Variants in TECRL observed in about 807,000 individuals in gnomAD.
TECRL encodes the protein trans-2,3-enoyl-CoA reductase-like.
A neutral mutation model predicts 52.8 loss-of-function variants in TECRL; 63 were observed. The observed-to-expected ratio is 1.19, with a 90% CI of 0.97 to 1.47. TECRL has a LOEUF of 1.47. Ranked by LOEUF, TECRL falls within the 40% of genes most tolerant of loss-of-function variation. The pLI is 0.00. For missense variants in TECRL, 482 were observed against 429.6 expected, an observed-to-expected ratio of 1.12 and a Z score of -1.08; for synonymous variants, 164 against 141.9, an observed-to-expected ratio of 1.16 and a Z score of -1.10.
chr4:64,314,346 T>C lies in TECRL; in HGVS notation c.551+302A>G, dbSNP rs140953353. 1.8e-4 allele frequency among the ~76,000 whole-genome samples: 28 copies of C among 152,278 alleles called. No individual in the cohort carries two copies. In the East Asian group the frequency reaches 5.2e-3, roughly 28 times the overall value. ...GTCTTTCAATTTTGTAATTGTAAACTTCTTTTGACTACGTTTCTGAATTTC... is the reference window on the plus strand; with the variant it reads ...GTCTTTCAATTTTGTAATTGTAAACCTCTTTTGACTACGTTTCTGAATTTC... On this transcript the variant is annotated intron_variant, in intron 5 of 11. Coordinates refer to ENST00000381210, the MANE Select transcript of TECRL (RefSeq NM_001010874.5).
intron 9 of TECRL, among the ~76,000 whole-genome samples, chr4:64,283,297 G>C (rs1201762714): frequency 1.3e-5 from 2 of 151,850 alleles, no homozygotes; most frequent in African/African-American, 2.4e-5. Context: ...TCTCCATCCT[G>C]GCATTTGCAA....
At chr4:64,337,263 G>C (rs1719168403) in intron 2 of TECRL, among the ~76,000 whole-genome samples, 2 of 152,080 alleles carry the variant, frequency 1.3e-5, no homozygotes, top group African/African-American at 4.8e-5. Context: ...ATTAGGTATT[G>C]ATGGGACGTA....
intron 2 of TECRL, among the ~76,000 whole-genome samples, chr4:64,333,812 A>G (rs1212817519): frequency 1.6e-5 from 2 of 126,132 alleles, no homozygotes; most frequent in Admixed American, 1.5e-4. Flanking sequence ...TGAGGTCAGG[A>G]GATCGAGACC....
intron 2 of TECRL, among the ~76,000 whole-genome samples, chr4:64,356,048 A>G (rs1228463727): frequency 6.6e-6 from 1 of 152,112 alleles, no homozygotes; most frequent in Non-Finnish European, 1.5e-5. Flanking sequence ...GTATGGAATC[A>G]AGGTTTAAGG....
chr4:64,291,224 C>T (rs1296195798), intron 8 of TECRL, among the ~76,000 whole-genome samples: 4 of 151,958 alleles, frequency 2.6e-5, no homozygotes, highest in African/African-American at 9.7e-5. Context: ...CCCTACACAG[C>T]CTATTTGCTC....
intron 4 of TECRL, among the ~76,000 whole-genome samples, chr4:64,319,362 C>A (rs1045741012): frequency 2.0e-5 from 3 of 151,720 alleles, no homozygotes; most frequent in African/African-American, 7.2e-5. Flanking sequence ...TAAGAAAATG[C>A]AGGAGAGAAC....
intron 2 of TECRL, among the ~76,000 whole-genome samples, chr4:64,362,322 C>T (rs544735099): frequency 6.6e-5 from 10 of 152,030 alleles, no homozygotes; most frequent in East Asian, 3.9e-4. Flanking sequence ...CTAGAAAGGT[C>T]CACATGCAAA....
intron 2 of TECRL, among the ~76,000 whole-genome samples, chr4:64,339,674 T>A (rs1006268867): frequency 6.6e-6 from 1 of 152,040 alleles, no homozygotes; most frequent in Admixed American, 6.6e-5. Flanking sequence ...CTTGATCTAC[T>A]CAAATCTGAA....
intron 2 of TECRL, among the ~76,000 whole-genome samples, chr4:64,335,672 T>A (rs1175421481): frequency 6.6e-6 from 1 of 152,024 alleles, no homozygotes; most frequent in Non-Finnish European, 1.5e-5. Flanking sequence ...CTCCAAAGAG[T>A]CCTTCATTGT....
intron 2 of TECRL, among the ~76,000 whole-genome samples, chr4:64,337,791 A>T (rs1004067484): frequency 6.6e-6 from 1 of 152,308 alleles, no homozygotes; most frequent in Middle Eastern, 3.4e-3. Context: ...GAGGGCACAA[A>T]CAAATAGAAG....
rs532630576 is a variant in TECRL at position 64,339,828 on chromosome 4, C to T, written c.287-11272G>A. ...CACTAATAATTCTCTCTAAAACATT[C>T]CTTGATTTTCCAAGAATTATTCTAC... On this transcript the variant is annotated intron_variant, in intron 2 of 11. Coordinates refer to ENST00000381210, the MANE Select transcript of TECRL (RefSeq NM_001010874.5). Among the ~76,000 whole-genome samples the T allele has an allele frequency of 8.2e-4, 125 of 152,264 alleles. 1 individual carries two copies. The Middle Eastern group carries it at 0.01, about 12-fold the overall frequency.
chr4:64,349,322 G>A (rs563064406), intron 2 of TECRL, among the ~76,000 whole-genome samples: 4 of 151,732 alleles, frequency 2.6e-5, no homozygotes, highest in Non-Finnish European at 4.4e-5. Flanking sequence ...TAGTAGAGAT[G>A]GGGTTTCTCC....
chr4:64,297,396 A>C (rs1723749020), intron 8 of TECRL, among the ~76,000 whole-genome samples: 2 of 151,254 alleles, frequency 1.3e-5, no homozygotes, highest in African/African-American at 4.8e-5. Flanking sequence ...AAGAGTACAT[A>C]GGTCAAAAAT....
intron 2 of TECRL, among the ~76,000 whole-genome samples, chr4:64,337,837 C>T (rs1013865588): frequency 2.6e-5 from 4 of 152,064 alleles, no homozygotes; most frequent in African/African-American, 9.7e-5. Context: ...GAATCAATAT[C>T]GTGAAATGGC....
chr4:64,328,496 G>A lies in TECRL; in HGVS notation c.331+16C>T. ...TTATAAATTAAATAAACACATCAGT[G>A]AAAAATGCTTCTTACCACATTCTAG... On this transcript the variant is annotated intron_variant, in intron 3 of 11. Coordinates refer to ENST00000381210, the MANE Select transcript of TECRL (RefSeq NM_001010874.5). 6.2e-7 allele frequency: 1 copy of A among 1,607,468 alleles called. No individual in the cohort carries two copies.
At chr4:64,394,581 C>T (rs1326450328) in intron 1 of TECRL, among the ~76,000 whole-genome samples, 1 of 152,040 alleles carries the variant, frequency 6.6e-6, no homozygotes, top group African/African-American at 2.4e-5. Context: ...TACTGTGACC[C>T]AAAGTGGATA....
chr4:64,404,124 G>A (rs1025862077), intron 1 of TECRL, among the ~76,000 whole-genome samples: 4 of 150,996 alleles, frequency 2.6e-5, no homozygotes, highest in Non-Finnish European at 5.9e-5. Context: ...TGTTTTCTGA[G>A]GACAATTGTT....
intron 2 of TECRL, among the ~76,000 whole-genome samples, chr4:64,357,708 C>A (rs1225226179): frequency 6.6e-6 from 1 of 151,194 alleles, no homozygotes; most frequent in East Asian, 1.9e-4. Flanking sequence ...CTAGAAATTA[C>A]AAGCACAAAT....
At chr4:64,286,403 G>A (rs1407809050) in intron 9 of TECRL, among the ~76,000 whole-genome samples, 1 of 151,928 alleles carries the variant, frequency 6.6e-6, no homozygotes, top group African/African-American at 2.4e-5. Flanking sequence ...AAGGGACAAA[G>A]ATAGTCAAAG....
Sources: allele counts gnomAD v4.1 joint callset (sites outside exome capture counted in the v4.1 genomes callset), GRCh38; gene constraint gnomAD v4.1.1; transcripts MANE v1.5; gene names NCBI Gene and HGNC (gene_info 2026-07-23, HGNC 2026-07-21).